TAFA1: variants seen among roughly 807,000 people sequenced by gnomAD.
TAFA1 encodes TAFA chemokine like family member 1, also known as chemokine-like protein TAFA-1.
Under a neutral mutation model 18.5 loss-of-function variants are expected in TAFA1, and 4 were observed. That is an observed-to-expected ratio of 0.22 (90% CI 0.11 to 0.49). TAFA1 has a LOEUF of 0.49. Among genes scored for constraint, TAFA1 ranks in the 20% least tolerant of loss-of-function variants. TAFA1 has a pLI of 0.98. For synonymous variants in TAFA1, 56 were observed against 55.2 expected (o/e 1.01, Z -0.06); for missense variants, 147 against 169.0 (o/e 0.87, Z 0.72).
intron 2 of TAFA1, among the ~76,000 whole-genome samples, chr3:68,027,249 G>A (rs1321018455): frequency 1.3e-5 from 2 of 152,074 alleles, no homozygotes; most frequent in Admixed American, 1.3e-4. Flanking sequence ...GCCTTTTGAG[G>A]TAGACTATTT....
intron 2 of TAFA1, among the ~76,000 whole-genome samples, chr3:68,374,121 C>T: frequency 6.6e-6 from 1 of 152,168 alleles, no homozygotes; most frequent in African/African-American, 2.4e-5. Flanking sequence ...GCTTTCTCTG[C>T]TTCTCATCCC....
intron 3 of TAFA1, among the ~76,000 whole-genome samples, chr3:68,534,582 A>AT (rs1435174429): frequency 6.6e-6 from 1 of 152,158 alleles, no homozygotes; most frequent in Non-Finnish European, 1.5e-5. Context: ...ATCCAACTCT[A>AT]TTTAGAAGAG....
intron 2 of TAFA1, among the ~76,000 whole-genome samples, chr3:68,056,466 G>T (rs2064538259): frequency 6.6e-6 from 1 of 152,172 alleles, no homozygotes. Flanking sequence ...AGTTTCAACT[G>T]TGTAATTACT....
intron 2 of TAFA1, among the ~76,000 whole-genome samples, chr3:68,169,342 G>A (rs1283142427): frequency 2.0e-5 from 3 of 152,172 alleles, no homozygotes; most frequent in Non-Finnish European, 4.4e-5. Context: ...AGCTAGTGCC[G>A]AACTGCCAGC....
intron 3 of TAFA1, among the ~76,000 whole-genome samples, chr3:68,444,103 T>C (rs765576294): frequency 3.0e-4 from 46 of 152,144 alleles, no homozygotes; most frequent in Non-Finnish European, 4.0e-4. Context: ...CATCATCCTC[T>C]ATGGCCTCAT....
intron 2 of TAFA1, among the ~76,000 whole-genome samples, chr3:68,345,785 T>C (rs1261852377): frequency 1.3e-5 from 2 of 152,194 alleles, no homozygotes; most frequent in East Asian, 1.9e-4. Context: ...AAACCAGAGG[T>C]ATCCCATTGA....
chr3:68,251,787 A>C (rs1024725053), intron 2 of TAFA1, among the ~76,000 whole-genome samples: 3 of 152,218 alleles, frequency 2.0e-5, no homozygotes, highest in African/African-American at 7.2e-5. Flanking sequence ...AGATAGTGCC[A>C]AAGCCTTGGA....
At chr3:68,264,701 T>C (rs901261782) in intron 2 of TAFA1, among the ~76,000 whole-genome samples, 7 of 98,388 alleles carry the variant, frequency 7.1e-5, no homozygotes, top group Non-Finnish European at 1.4e-4. Flanking sequence ...TTATAGAAAG[T>C]ATATATAGAT....
chr3:68,120,931 A>G lies in TAFA1; in HGVS notation c.118+114187A>G, dbSNP rs559230003. On this transcript the variant is annotated intron_variant, in intron 2 of 4. Transcript: ENST00000478136. The stretch of plus-strand genomic sequence containing the variant: ...TTATTTCCAGTTTTTATGGACACAT[A>G]CCTGAGGAGGCTAATTAAAGACCAT... Among the ~76,000 whole-genome samples, 5 of 152,292 alleles carry G rather than the reference A, an allele frequency of 3.3e-5. No individual in the cohort carries two copies. In the East Asian group the frequency reaches 9.6e-4, roughly 29 times the overall value.
At chr3:68,426,798 G>A (rs144281162) in intron 3 of TAFA1, among the ~76,000 whole-genome samples, 2,290 of 151,954 alleles carry the variant, frequency 0.015, 66 homozygotes, top group South Asian at 0.048. Flanking sequence ...TAATTGCAAT[G>A]ACTTTAGCAA....
chr3:67,994,553 G>A, the TAFA1 span, among the ~76,000 whole-genome samples: 2 of 152,290 alleles, frequency 1.3e-5, no homozygotes, highest in South Asian at 4.1e-4. Flanking sequence ...CACAGGGAAA[G>A]CCTAGTGTTG....
At chr3:68,528,243 G>T in intron 3 of TAFA1, among the ~76,000 whole-genome samples, 1 of 152,070 alleles carries the variant, frequency 6.6e-6, no homozygotes, top group East Asian at 1.9e-4. Context: ...TAAAATTCAC[G>T]ATAACCAGTT....
At chr3:68,522,646 C>T (rs889239497) in intron 3 of TAFA1, among the ~76,000 whole-genome samples, 11 of 152,106 alleles carry the variant, frequency 7.2e-5, no homozygotes, top group African/African-American at 2.4e-4. Flanking sequence ...ACCAGGAGTT[C>T]GAGACCAGCC....
intron 2 of TAFA1, among the ~76,000 whole-genome samples, chr3:68,405,743 C>T (rs1020246736): frequency 1.8e-5 from 1 of 55,890 alleles, no homozygotes; most frequent in African/African-American, 5.5e-5. Flanking sequence ...AAAAAAAAGA[C>T]TAGACAAAGT....
intron 2 of TAFA1, among the ~76,000 whole-genome samples, chr3:68,282,247 G>A (rs1027967387): frequency 6.6e-6 from 1 of 152,104 alleles, no homozygotes; most frequent in Non-Finnish European, 1.5e-5. Flanking sequence ...TTTGGGTGGG[G>A]ACACAGCCCA....
chr3:68,264,022 T>C (rs1311904461), intron 2 of TAFA1, among the ~76,000 whole-genome samples: 1 of 152,164 alleles, frequency 6.6e-6, no homozygotes, highest in Non-Finnish European at 1.5e-5. Flanking sequence ...CTGGGCACAG[T>C]GGCTCATGCC....
intron 2 of TAFA1, among the ~76,000 whole-genome samples, chr3:68,118,282 T>C (rs1345774957): frequency 1.3e-5 from 2 of 152,090 alleles, no homozygotes; most frequent in African/African-American, 4.8e-5. Context: ...ATCCCTCACA[T>C]GCGCACTTCA....
intron 4 of TAFA1, 93 bp from the exon 5 acceptor site, chr3:68,544,393 T>C (rs1183276210): frequency 7.7e-7 from 1 of 1,296,678 alleles, no homozygotes; most frequent in East Asian, 2.4e-5. Context: ...ATCCTAAAGA[T>C]TCAAGGTGTC....
At chr3:68,461,377 A>ATATATATATATATATG (rs1337466211) in intron 3 of TAFA1, among the ~76,000 whole-genome samples, 6 of 142,030 alleles carry the variant, frequency 4.2e-5, no homozygotes, top group African/African-American at 1.7e-4. Flanking sequence ...ATATATATAT[A>ATATATATATATATATG]TATGTATGTA....
Sources: allele counts gnomAD v4.1 joint callset (sites outside exome capture counted in the v4.1 genomes callset), GRCh38; gene constraint gnomAD v4.1.1; transcripts MANE v1.5; gene names NCBI Gene and HGNC (gene_info 2026-07-23, HGNC 2026-07-21).